SPTBN5: variants seen among roughly 807,000 people sequenced by gnomAD.
SPTBN5 encodes spectrin beta chain, non-erythrocytic 5.
SPTBN5 carries 513 observed loss-of-function variants against 477.6 expected under a neutral mutation model. That is an observed-to-expected ratio of 1.07 (90% CI 1.00 to 1.16). SPTBN5 has a LOEUF of 1.16. SPTBN5 is among the 50% of genes most tolerant of loss of function. The probability of loss-of-function intolerance (pLI) is 0.00; values close to 1 mark genes in which losing one functional copy is unlikely to be tolerated. For missense variants in SPTBN5, 5,062 were observed against 4,731.8 expected, an observed-to-expected ratio of 1.07 and a Z score of -2.05; for synonymous variants, 2,169 against 2,011.7, an observed-to-expected ratio of 1.08 and a Z score of -2.09.
chr15:41,853,029 A>T (rs1460573846), intron 59 of SPTBN5, 29 bp from the exon 60 acceptor site: 2 of 1,485,432 alleles, frequency 1.3e-6, no homozygotes, highest in Non-Finnish European at 1.8e-6. Flanking sequence ...TATGGGTGAC[A>T]GCTTGGGTAG....
Position 41,884,733 on chromosome 15 carries a change from G to A in SPTBN5, c.1520+1002C>T, listed in dbSNP as rs934121115. On this transcript the variant is annotated intron_variant, in intron 7 of 67. Transcript: ENST00000320955. ...ATCGTTACTGTGCCCTGCAAGGCCC[G>A]ACTTGACCTCCTTCCCTACCTCGTC... 1.2e-4 allele frequency among the ~76,000 whole-genome samples: 19 copies of A among 152,180 alleles called. No homozygotes were observed. In the East Asian group the frequency reaches 3.1e-3, roughly 25 times the overall value.
chr15:41,882,897 A>G (rs1016490056), intron 9 of SPTBN5, 99 bp downstream of exon 9: 4 of 1,375,196 alleles, frequency 2.9e-6, no homozygotes, highest in Middle Eastern at 2.5e-4. Flanking sequence ...GTCAGTGTGG[A>G]GAAAACTGGC....
chr15:41,849,808 C>A (rs143924471), intron 67 of SPTBN5, 61 bp downstream of exon 67: 15 of 1,319,598 alleles, frequency 1.1e-5, no homozygotes, highest in Non-Finnish European at 1.5e-5. Flanking sequence ...CAGAGGACAG[C>A]GCCTGCCAGC....
Position 41,856,955 on chromosome 15 carries a change from G to T in SPTBN5, c.8706C>A (p.Ala2902=). ...RSLLLKFFRD[A]DEEMAWVQEK... is the part of the protein sequence containing the mutation. ...CCTGCACCCAGGCCATTTCCTCGTC[G>T]GCGTCCCTGAAGAACTTCAAGAGGA... Residue 2902 remains alanine, a synonymous_variant, in exon 52 of 68, where the codon GCC becomes GCA. Coordinates refer to ENST00000320955, the MANE Select transcript of SPTBN5 (RefSeq NM_016642.4). 1.3e-6 allele frequency: 2 copies of T among 1,591,674 alleles called. No homozygotes were observed. Among genetic ancestry groups the T allele is most frequent in the Non-Finnish European group, 1.7e-6 (2 of 1,169,774 alleles).
chr15:41,848,576 G>C lies in SPTBN5; in HGVS notation c.*40C>G. On this transcript the variant is annotated 3_prime_UTR_variant, in exon 68 of 68. Coordinates refer to ENST00000320955, the MANE Select transcript of SPTBN5 (RefSeq NM_016642.4). ...ATTCTGGTCCCTTAGATGTGTCCTCGCTTGTGCCCCTGAAGTTTGGTGTTG... is the reference window on the plus strand; with the variant it reads ...ATTCTGGTCCCTTAGATGTGTCCTCCCTTGTGCCCCTGAAGTTTGGTGTTG... The C allele has an allele frequency of 1.2e-6, 2 of 1,613,112 alleles. No individual in the cohort carries two copies. The highest frequency in any genetic ancestry group is 1.7e-6 in the Non-Finnish European group (2 of 1,179,114).
At position 41,870,555 on chromosome 15, in the gene SPTBN5, G is replaced by A. The variant is rs1322651782; in HGVS notation, c.5453C>T (p.Ala1818Val). 1.2e-6 allele frequency: 2 copies of A among 1,607,318 alleles called. No individual in the cohort carries two copies. Among genetic ancestry groups the A allele is most frequent in the Middle Eastern group, 3.3e-4 (2 of 6,056 alleles). ...GGTCAGCTCCCACAGCTCCGACCAG[G>A]CGGTCCTGCCCACGGCGTGTGGAAG... is the stretch of plus-strand genomic sequence containing the variant. The part of the protein sequence containing the change: ...VRQRQQDLQT[A>V]WSELWELTQA... The change falls in exon 30 of 68, where the codon GCC becomes GTC. Residue 1818 changes from alanine to valine, a missense_variant. Physicochemically the swap from Ala to Val is moderately conservative, Grantham distance 64 (BLOSUM62 0). Coordinates refer to ENST00000320955, the MANE Select transcript of SPTBN5 (RefSeq NM_016642.4).
At position 41,848,229 on chromosome 15, in the gene SPTBN5, C is replaced by T. The variant is rs2065619955; in HGVS notation, c.*387G>A. ...TGGCTGTACATGGCAAGGGCTGGTA[C>T]AGAGCTCGCTCATCAGTGTTCTTCC... On this transcript the variant is annotated 3_prime_UTR_variant, in exon 68 of 68. Transcript: ENST00000320955. 4.0e-6 allele frequency: 2 copies of T among 495,528 alleles called. No homozygotes were observed. Among genetic ancestry groups the T allele is most frequent in the South Asian group, 2.2e-5 (1 of 45,518 alleles). 30.7% of individuals were successfully genotyped at this position (495,528 alleles called of 1,614,324 possible). A position where few individuals can be genotyped will look rare whatever the true frequency, so the allele number is the denominator to read the frequency against.
intron 22 of SPTBN5, 59 bp downstream of exon 22, chr15:41,875,399 T>C (rs375301140): frequency 4.8e-5 from 74 of 1,556,934 alleles, no homozygotes; most frequent in African/African-American, 4.1e-4. Context: ...CTCCCCGTTC[T>C]GTCCAGCCCA....
chr15:41,857,112 G>A (rs1436481932), intron 51 of SPTBN5, 73 bp from the exon 52 acceptor site: 63 of 1,525,468 alleles, frequency 4.1e-5, no homozygotes, highest in Non-Finnish European at 4.4e-5. Flanking sequence ...TGGTGACACA[G>A]ATCACCCAGC....
chr15:41,857,398 C>A lies in SPTBN5; in HGVS notation c.8461G>T (p.Gly2821Trp), dbSNP rs1197675. Reference protein sequence around the residue: ...RAPTVGQALPGVGELLGTQRE... With the variant: ...RAPTVGQALPWVGELLGTQRE... ...TGTGTGCCCAGGAGCTCGCCCACCC[C>A]AGGCAGGGCCTGGCCCACAGTGGGG... The change falls in exon 51 of 68, where the codon GGG becomes TGG. Residue 2821 changes from glycine (G) to tryptophan (W), a missense_variant. Gly to Trp is a radical substitution (Grantham distance 184, BLOSUM62 -2). Transcript: ENST00000320955. The A allele has an allele frequency of 2.5e-6, 4 of 1,588,814 alleles. No individual in the cohort carries two copies. Among genetic ancestry groups the A allele is most frequent in the African/African-American group, 2.7e-5 (2 of 74,292 alleles).
intron 34 of SPTBN5, among the ~76,000 whole-genome samples, chr15:41,867,861 C>G (rs1050050015): frequency 6.6e-5 from 10 of 152,214 alleles, no homozygotes; most frequent in African/African-American, 2.4e-4. Flanking sequence ...CCAACTTCCT[C>G]GGGGCTCAGT....
At position 41,871,727 on chromosome 15, in the gene SPTBN5, C is replaced by T. The variant is rs1049118239; in HGVS notation, c.5301+55G>A. ...CTCCGCCCCGCCAGAGCCAGCTTCC[C>T]CACCCCATAGGCTCTGCCTCAGGGC... On this transcript the variant is annotated intron_variant, in intron 28 of 67. Transcript: ENST00000320955. 10 of 1,454,026 alleles carry T rather than the reference C, an allele frequency of 6.9e-6. No homozygotes were observed. The Admixed American group carries it at 2.1e-4, about 30-fold the overall frequency. 90.1% of individuals were successfully genotyped at this position (1,454,026 alleles called of 1,614,324 possible).
At chr15:41,861,548 C>T in intron 45 of SPTBN5, 52 bp from the exon 46 acceptor site, 2 of 1,578,984 alleles carry the variant, frequency 1.3e-6, no homozygotes, top group Non-Finnish European at 8.7e-7. Context: ...CCAGCCACTG[C>T]AGTTGGAGTG....
rs200995898 is a variant in SPTBN5 at position 41,852,885 on chromosome 15, A to G, written c.10286T>C (p.Leu3429Pro). Reference sequence around the variant, plus strand: ...GGCCAGCCAGGCCTCAGCCTGCTCCAGCCTCTGCCGAAGCTTCTGCAGGCC... The same window carrying G: ...GGCCAGCCAGGCCTCAGCCTGCTCCGGCCTCTGCCGAAGCTTCTGCAGGCC... ...SWGLQKLRQR[L>P]EQAEAWLACW... Residue 3429 changes from leucine to proline, a missense_variant, in exon 60 of 68, where the codon CTG becomes CCG. Coordinates refer to ENST00000320955, the MANE Select transcript of SPTBN5 (RefSeq NM_016642.4). The G allele has an allele frequency of 1.2e-3, 1,971 of 1,608,928 alleles. 1 individual carries two copies. The highest frequency in any genetic ancestry group is 1.6e-3 in the Non-Finnish European group (1,868 of 1,177,442).
Position 41,878,482 on chromosome 15 carries a change from C to G in SPTBN5, c.3330G>C (p.Glu1110Asp), listed in dbSNP as rs572465268. The G allele has an allele frequency of 7.4e-6, 12 of 1,613,504 alleles. No individual in the cohort carries two copies. The highest frequency in any genetic ancestry group is 4.0e-5 in the African/African-American group (3 of 75,078). Reference sequence around the variant, plus strand: ...CTGCCCACAGTAGCAGTTGCTGGCTCTCTTGCAGGAAGCTCTGCCGGGCCT... The same window carrying G: ...CTGCCCACAGTAGCAGTTGCTGGCTGTCTTGCAGGAAGCTCTGCCGGGCCT... ...ETQARQSFLQESQQLLLWAES... is the reference protein window; with the variant it reads ...ETQARQSFLQDSQQLLLWAES... The change falls in exon 17 of 68, where the codon GAG becomes GAC. Residue 1110 changes from glutamate to aspartate, a missense_variant. Glu to Asp is a conservative substitution (Grantham distance 45). Coordinates refer to ENST00000320955, the MANE Select transcript of SPTBN5 (RefSeq NM_016642.4).
intron 55 of SPTBN5, 80 bp from the exon 56 acceptor site, chr15:41,855,056 C>G (rs1282510669): frequency 6.8e-7 from 1 of 1,463,236 alleles, no homozygotes; most frequent in Admixed American, 2.3e-5. Context: ...TCAGCAGACT[C>G]TGATGGCTCT....
At chr15:41,881,324 C>G (rs1567224434) in intron 12 of SPTBN5, 90 bp from the exon 13 acceptor site, 1 of 1,042,124 alleles carries the variant, frequency 9.6e-7, no homozygotes, top group African/African-American at 1.6e-5. Flanking sequence ...GCCCTGAGAC[C>G]TGGAGGCGCT....
chr15:41,851,507 G>A, intron 63 of SPTBN5, 138 bp from the exon 64 acceptor site: 1 of 546,780 alleles, frequency 1.8e-6, no homozygotes, highest in Non-Finnish European at 3.2e-6. Flanking sequence ...GGAAAGGGAA[G>A]CCACAGAGGG....
At chr15:41,850,832 G>C in intron 66 of SPTBN5, 22 bp downstream of exon 66, 1 of 1,571,104 alleles carries the variant, frequency 6.4e-7, no homozygotes, top group Non-Finnish European at 8.6e-7. Flanking sequence ...CGCCCTCCCC[G>C]CATCCTTCCC....
Sources: allele counts gnomAD v4.1 joint callset (sites outside exome capture counted in the v4.1 genomes callset), GRCh38; gene constraint gnomAD v4.1.1; transcripts MANE v1.5; gene names NCBI Gene and HGNC (gene_info 2026-07-23, HGNC 2026-07-21).